The following MGAT4A variants were observed in gnomAD, a reference collection of about 807,000 sequenced individuals.
The protein encoded by MGAT4A is N-acetylglucosaminyltransferase IVa.
A neutral mutation model predicts 74.1 loss-of-function variants in MGAT4A; 33 were observed. The observed-to-expected ratio is 0.45, with a 90% confidence interval of 0.34 to 0.60. The LOEUF (loss-of-function observed/expected upper bound fraction) is 0.60. Ranked by LOEUF, MGAT4A falls within the 20% of genes least tolerant of loss-of-function variation. MGAT4A has a pLI of 0.02. For missense variants in MGAT4A, 479 were observed against 628.3 expected (o/e 0.76, Z 2.54); for synonymous variants, 198 against 210.4 (o/e 0.94, Z 0.51).
rs1575244508 is a variant in MGAT4A, at chr2:98,639,190, G to C, written c.1322+618C>G. ...TAATCCCAGCTACTTCGGAGGCTGA[G>C]GCAGGAGAATCTTTTGAACCAAGGA... On this transcript the variant is annotated intron_variant, in intron 12 of 15. Transcript: ENST00000393487. 2.6e-5 allele frequency among the ~76,000 whole-genome samples: 4 copies of C among 152,182 alleles called. No individual in the cohort carries two copies. The South Asian group carries it at 8.3e-4, about 32-fold the overall frequency.
intron 8 of MGAT4A, among the ~76,000 whole-genome samples, chr2:98,650,181 A>G (rs1701556924): frequency 6.6e-6 from 1 of 152,224 alleles, no homozygotes; most frequent in South Asian, 2.1e-4. Context: ...GAGCAGGCAG[A>G]AGAATCAGTG....
rs189987424 is a variant in MGAT4A at position 98,726,727 on chromosome 2, T to C, written c.-235-160A>G. ...CTACTCATTTAACATACTGGAATTA[T>C]ATGGTCCTTCTCCTCCTGGAAAAAA... is the stretch of plus-strand genomic sequence containing the variant. On this transcript the variant is annotated intron_variant, in intron 1 of 15. Coordinates refer to ENST00000393487, the MANE Select transcript of MGAT4A (RefSeq NM_012214.3). 306 of 182,052 alleles carry C rather than the reference T, an allele frequency of 1.7e-3. 1 individual carries two copies. The highest frequency in any genetic ancestry group is 2.3e-3 in the Middle Eastern group (1 of 428). 11.3% of individuals were successfully genotyped at this position (182,052 alleles called of 1,614,324 possible).
chr2:98,677,274 G>A (rs1210142984), intron 3 of MGAT4A, among the ~76,000 whole-genome samples: 1 of 152,164 alleles, frequency 6.6e-6, no homozygotes, highest in Non-Finnish European at 1.5e-5. Context: ...TTAAGAGCAC[G>A]AATTGCTTCA....
chr2:98,699,411 G>A (rs1012219352), intron 2 of MGAT4A, among the ~76,000 whole-genome samples: 4 of 152,092 alleles, frequency 2.6e-5, no homozygotes, highest in East Asian at 1.9e-4. Flanking sequence ...GAGGCCAGCC[G>A]AGGACCAGCC....
chr2:98,641,995 C>CAA (rs576834542), intron 10 of MGAT4A, among the ~76,000 whole-genome samples: 32 of 70,986 alleles, frequency 4.5e-4, no homozygotes, highest in African/African-American at 1.4e-3. Flanking sequence ...AACTCTGTCT[C>CAA]AAAAAAAAAA....
At chr2:98,705,948 CAA>C (rs35710005) in intron 2 of MGAT4A, among the ~76,000 whole-genome samples, 3 of 47,496 alleles carry the variant, frequency 6.3e-5, no homozygotes, top group Admixed American at 2.1e-4. Context: ...GACTCCGTCT[CAA>C]AAAAAAAAAA....
intron 2 of MGAT4A, among the ~76,000 whole-genome samples, chr2:98,705,682 G>A (rs542510500): frequency 4.6e-5 from 7 of 152,256 alleles, no homozygotes; most frequent in East Asian, 3.9e-4. Flanking sequence ...GGTGGCTCAC[G>A]CCTGTAATCC....
chr2:98,632,017 G>A (rs1230019737), intron 14 of MGAT4A, among the ~76,000 whole-genome samples: 2 of 152,144 alleles, frequency 1.3e-5, no homozygotes, highest in African/African-American at 2.4e-5. Flanking sequence ...GGCTGAGGCA[G>A]GAGAATCACT....
At chr2:98,674,512 TGAA>T (rs1046911310) in intron 4 of MGAT4A, among the ~76,000 whole-genome samples, 2 of 152,194 alleles carry the variant, frequency 1.3e-5, no homozygotes, top group Non-Finnish European at 2.9e-5. Context: ...TAAGGAAAAC[TGAA>T]GAAGTTCTGT....
At chr2:98,659,858 T>G (rs1333427690) in intron 5 of MGAT4A, among the ~76,000 whole-genome samples, 3 of 152,098 alleles carry the variant, frequency 2.0e-5, no homozygotes, top group Non-Finnish European at 4.4e-5. Flanking sequence ...CCTATCAATT[T>G]TAAATACAGC....
rs200226166 is a variant in MGAT4A, at chr2:98,639,283, C to CA, written c.1322+524dup. 3.2e-3 allele frequency among the ~76,000 whole-genome samples: 404 copies of CA among 128,138 alleles called. 1 individual carries two copies. The highest frequency in any genetic ancestry group is 0.02 in the Middle Eastern group (5 of 244). The allele number at this position is 128,138 out of a possible 152,430, so 84.1% of individuals were successfully genotyped here. A position where few individuals can be genotyped will look rare whatever the true frequency, so the allele number is the denominator to read the frequency against. The stretch of plus-strand genomic sequence containing the variant: ...TCTGGGCGACAGAGCGAGACTGTCT[C>CA]AAAAAAAAAAAAGGAAGAAAGTCCT... On this transcript the variant is annotated intron_variant, in intron 12 of 15. Transcript: ENST00000393487.
chr2:98,676,206 G>GA (rs2104287102), intron 3 of MGAT4A, among the ~76,000 whole-genome samples: 1 of 152,142 alleles, frequency 6.6e-6, no homozygotes, highest in South Asian at 2.1e-4. Context: ...AAAAATTCAC[G>GA]AAAGAAATGC....
intron 10 of MGAT4A, among the ~76,000 whole-genome samples, chr2:98,641,097 G>A (rs1207591107): frequency 6.6e-6 from 1 of 152,122 alleles, no homozygotes. Flanking sequence ...CTGTCCTCAT[G>A]CATGGGCCTG....
chr2:98,691,073 C>G (rs1702188169), intron 2 of MGAT4A, among the ~76,000 whole-genome samples: 1 of 152,112 alleles, frequency 6.6e-6, no homozygotes, highest in South Asian at 2.1e-4. Context: ...ATCAGCAACA[C>G]AGAAGAACAT....
chr2:98,710,993 T>A (rs10198854), intron 2 of MGAT4A, among the ~76,000 whole-genome samples: 4,065 of 150,402 alleles, frequency 0.027, 196 homozygotes, highest in African/African-American at 0.095. Context: ...GAAGTTGGGT[T>A]AAAAAAAAAT....
intron 4 of MGAT4A, among the ~76,000 whole-genome samples, chr2:98,665,142 A>G (rs561650455): frequency 2.6e-5 from 4 of 152,148 alleles, no homozygotes; most frequent in Admixed American, 2.6e-4. Flanking sequence ...ATCCTGGCTA[A>G]CACGGTGAAA....
intron 5 of MGAT4A, among the ~76,000 whole-genome samples, chr2:98,661,718 T>C (rs1198061017): frequency 1.3e-5 from 2 of 152,218 alleles, no homozygotes; most frequent in African/African-American, 4.8e-5. Flanking sequence ...TCATTTTTTA[T>C]TAGAACCCAT....
chr2:98,675,998 T>C (rs540563893), intron 3 of MGAT4A, among the ~76,000 whole-genome samples: 2 of 152,334 alleles, frequency 1.3e-5, no homozygotes, highest in East Asian at 1.9e-4. Context: ...TCATTTTTTT[T>C]CTCACTCCAT....
Position 98,723,701 on chromosome 2 carries a change from G to A in MGAT4A, c.94+2538C>T, listed in dbSNP as rs183467893. On this transcript the variant is annotated intron_variant, in intron 2 of 15. Transcript: ENST00000393487. ...CCCTTCAGAACTTGTAGCTGCACAC[G>A]CAGGTCCCTGGACCTGATATGCCCA... Among the ~76,000 whole-genome samples, 156 of 152,254 alleles carry A rather than the reference G, an allele frequency of 1.0e-3. 1 individual carries two copies. Among genetic ancestry groups the A allele is most frequent in the Non-Finnish European group, 1.4e-3 (96 of 68,016 alleles).
Sources: gnomAD v4.1 joint callset for allele counts (sites outside exome capture counted in the v4.1 genomes callset) on GRCh38, gnomAD v4.1.1 for gene constraint, MANE v1.5 for transcripts, NCBI Gene and HGNC (gene_info 2026-07-23, HGNC 2026-07-21) for gene names.